Variants in RYR3 observed in about 807,000 individuals in gnomAD.
RYR3 encodes ryanodine receptor 3, also known as brain ryanodine receptor-calcium release channel.
In RYR3, 207 loss-of-function variants were observed where a neutral mutation model predicts 584.3. The observed-to-expected ratio is 0.35, with a 90% CI of 0.32 to 0.40. The LOEUF is 0.40. RYR3 is among the 10% of genes least tolerant of loss of function. RYR3 has a pLI of 1.00. For missense variants in RYR3, 5,616 were observed against 6,089.2 expected (o/e 0.92, Z 2.59); for synonymous variants, 2,416 against 2,248.5 (o/e 1.07, Z -2.11).
chr15:33,585,572 G>A (rs1382530544), intron 15 of RYR3, among the ~76,000 whole-genome samples: 1 of 152,054 alleles, frequency 6.6e-6, no homozygotes, highest in Non-Finnish European at 1.5e-5. Context: ...ATTCTTATTT[G>A]GGAGAAACTC....
chr15:33,517,192 A>G (rs1225786811), intron 3 of RYR3, among the ~76,000 whole-genome samples: 1 of 152,122 alleles, frequency 6.6e-6, no homozygotes, highest in Non-Finnish European at 1.5e-5. Flanking sequence ...ATGAGGTTTC[A>G]CCGTGTTGGC....
chr15:33,791,279 A>C (rs537033265), intron 67 of RYR3, among the ~76,000 whole-genome samples: 1 of 152,156 alleles, frequency 6.6e-6, no homozygotes, highest in Non-Finnish European at 1.5e-5. Context: ...GACAATTTCT[A>C]AGGCAATGCC....
intron 1 of RYR3, among the ~76,000 whole-genome samples, chr15:33,386,313 C>A (rs2041598384): frequency 6.6e-6 from 1 of 152,174 alleles, no homozygotes; most frequent in Non-Finnish European, 1.5e-5. Context: ...AAGACCATTT[C>A]CAAATACAGA....
chr15:33,514,408 T>C (rs770742860), intron 3 of RYR3, among the ~76,000 whole-genome samples: 22 of 151,970 alleles, frequency 1.4e-4, no homozygotes, highest in Non-Finnish European at 2.8e-4. Flanking sequence ...GCTGACCCAG[T>C]GTAAATGAGG....
intron 67 of RYR3, among the ~76,000 whole-genome samples, chr15:33,797,025 A>G (rs1382962148): frequency 1.3e-5 from 2 of 152,200 alleles, no homozygotes; most frequent in Non-Finnish European, 2.9e-5. Flanking sequence ...CGAATACCAC[A>G]TGTTCTCACT....
chr15:33,812,248 A>G (rs1224933852), intron 72 of RYR3, among the ~76,000 whole-genome samples: 1 of 152,230 alleles, frequency 6.6e-6, no homozygotes, highest in Non-Finnish European at 1.5e-5. Flanking sequence ...ACCAATAGGT[A>G]AAATTCCTCC....
At chr15:33,572,712 C>A (rs1439610807) in intron 12 of RYR3, among the ~76,000 whole-genome samples, 1 of 149,534 alleles carries the variant, frequency 6.7e-6, no homozygotes, top group Non-Finnish European at 1.5e-5. Context: ...CAATGGCTCA[C>A]GCCTGTAATC....
intron 3 of RYR3, among the ~76,000 whole-genome samples, chr15:33,507,017 A>G (rs2052541938): frequency 6.6e-6 from 1 of 152,196 alleles, no homozygotes; most frequent in Non-Finnish European, 1.5e-5. Flanking sequence ...TTCTGCTTTT[A>G]AATAGACATT....
intron 1 of RYR3, among the ~76,000 whole-genome samples, chr15:33,411,010 C>T (rs1032805940): frequency 6.6e-6 from 1 of 152,112 alleles, no homozygotes. Flanking sequence ...GGAAACTGCC[C>T]CATGATTCAT....
chr15:33,661,473 G>A (rs548494517), intron 34 of RYR3, among the ~76,000 whole-genome samples: 13 of 152,270 alleles, frequency 8.5e-5, no homozygotes, highest in African/African-American at 2.9e-4. Flanking sequence ...AAATGATACA[G>A]ATCAGTGGTC....
intron 1 of RYR3, among the ~76,000 whole-genome samples, chr15:33,336,779 G>A (rs1345891324): frequency 3.3e-5 from 5 of 151,906 alleles, no homozygotes; most frequent in South Asian, 2.1e-4. Flanking sequence ...AACTCTGGCC[G>A]GGCGTGGTGG....
At chr15:33,447,666 GTTAAA>G (rs1160266287) in intron 1 of RYR3, among the ~76,000 whole-genome samples, 10 of 152,208 alleles carry the variant, frequency 6.6e-5, no homozygotes, top group East Asian at 3.9e-4. Flanking sequence ...GCTAGGCAAA[GTTAAA>G]TTAAATAAAA....
rs763876855 is a variant in RYR3 at position 33,756,298 on chromosome 15, C to T, written c.8516-8C>T. On this transcript the variant is annotated splice_region_variant and splice_polypyrimidine_tract_variant and intron_variant, in intron 58 of 103. Coordinates refer to ENST00000634891, the MANE Select transcript of RYR3 (RefSeq NM_001036.6). ...CTGGCCAACTTTGTGTTACCTGTGT[C>T]TTCGTAGAAGCCATTGTCAGCAGTG... 3 of 1,568,860 alleles carry T rather than the reference C, an allele frequency of 1.9e-6. No individual in the cohort carries two copies. The African/African-American group carries it at 4.0e-5, about 21-fold the overall frequency.
intron 64 of RYR3, among the ~76,000 whole-genome samples, chr15:33,778,673 C>T (rs1471911046): frequency 1.3e-5 from 2 of 152,258 alleles, no homozygotes; most frequent in Non-Finnish European, 2.9e-5. Context: ...TGCGTCTCAG[C>T]AGTCTCCGTC....
intron 1 of RYR3, among the ~76,000 whole-genome samples, chr15:33,443,382 A>G (rs1200702975): frequency 6.6e-6 from 1 of 152,216 alleles, no homozygotes; most frequent in Non-Finnish European, 1.5e-5. Flanking sequence ...CTGTTAAGAT[A>G]GGCTACCAGC....
chr15:33,820,768 G>T lies in RYR3; in HGVS notation c.10771G>T (p.Gly3591Cys), dbSNP rs1360723331. The T allele has an allele frequency of 1.9e-6, 3 of 1,605,978 alleles. No homozygotes were observed. The highest frequency in any genetic ancestry group is 2.6e-6 in the Non-Finnish European group (3 of 1,176,184). ...SSMMAKSCQS[G>C]EDEEEDEDKE... ...CCATGAAATCCAGAGTTGTCAAAGT[G>T]GTGAGGATGAAGAAGAAGATGAAGA... Residue 3591 changes from glycine to cysteine, a missense_variant, in exon 78 of 104, where the codon GGT becomes TGT. Transcript: ENST00000634891.
intron 38 of RYR3, among the ~76,000 whole-genome samples, chr15:33,675,012 G>GA (rs2152730614): frequency 6.6e-6 from 1 of 152,314 alleles, no homozygotes; most frequent in East Asian, 1.9e-4. Context: ...GGAGAATGGG[G>GA]TGAACCCAGG....
At chr15:33,568,071 C>T (rs534281585) in intron 12 of RYR3, among the ~76,000 whole-genome samples, 56 of 152,224 alleles carry the variant, frequency 3.7e-4, no homozygotes, top group African/African-American at 1.3e-3. Flanking sequence ...TTTTTTCATT[C>T]ACATGGCCAA....
At chr15:33,852,629 A>G in intron 94 of RYR3, 1 of 165,370 alleles carries the variant, frequency 6.0e-6, no homozygotes, top group East Asian at 1.8e-4. Flanking sequence ...CACATCCCGC[A>G]TCGCCATTAT....
Sources: gnomAD v4.1 joint callset for allele counts (sites outside exome capture counted in the v4.1 genomes callset) on GRCh38, gnomAD v4.1.1 for gene constraint, MANE v1.5 for transcripts, NCBI Gene and HGNC (gene_info 2026-07-23, HGNC 2026-07-21) for gene names.